GALNT16: variants seen among roughly 807,000 people sequenced by gnomAD.
GALNT16 encodes polypeptide N-acetylgalactosaminyltransferase 16.
A neutral mutation model predicts 76.1 loss-of-function variants in GALNT16; 40 were observed. That is an observed-to-expected ratio of 0.53 (90% CI 0.41 to 0.68). The LOEUF is 0.68. GALNT16 is among the 30% of genes least tolerant of loss of function. The pLI is 0.00. For missense variants in GALNT16, 621 were observed against 731.9 expected (o/e 0.85, Z 1.75); for synonymous variants, 276 against 285.2 (o/e 0.97, Z 0.32).
chr14:69,341,787 G>T (rs999408695), intron 12 of GALNT16, 23 bp downstream of exon 12: 18 of 1,567,554 alleles, frequency 1.1e-5, no homozygotes, highest in Non-Finnish European at 1.6e-5. Flanking sequence ...CTCATCTTGT[G>T]CATCCCCCAG....
chr14:69,260,811 CG>C (rs1201212021), intron 1 of GALNT16, among the ~76,000 whole-genome samples: 1 of 151,634 alleles, frequency 6.6e-6, no homozygotes, highest in Non-Finnish European at 1.5e-5. Flanking sequence ...TCGTGTGCCC[CG>C]GAAGGCTGCC....
At chr14:69,376,968 A>C in the GALNT16 span, among the ~76,000 whole-genome samples, 1 of 152,066 alleles carries the variant, frequency 6.6e-6, no homozygotes, top group African/African-American at 2.4e-5. Flanking sequence ...GCACTTACCT[A>C]AGTCTTATCT....
intron 9 of GALNT16, among the ~76,000 whole-genome samples, chr14:69,335,527 C>CT (rs1011308664): frequency 5.3e-5 from 8 of 151,794 alleles, no homozygotes; most frequent in African/African-American, 1.9e-4. Flanking sequence ...TTTTCTTTTT[C>CT]TTTTTTTTCT....
chr14:69,329,906 A>G (rs2045331959), intron 6 of GALNT16, among the ~76,000 whole-genome samples: 1 of 152,054 alleles, frequency 6.6e-6, no homozygotes, highest in Non-Finnish European at 1.5e-5. Context: ...CCCATCTCCA[A>G]CCTTGGGGAT....
At position 69,328,468 on chromosome 14, in the gene GALNT16, T is replaced by C; in HGVS notation, c.587T>C (p.Val196Ala). 2 of 1,613,978 alleles carry C rather than the reference T, an allele frequency of 1.2e-6. No individual in the cohort carries two copies. The highest frequency in any genetic ancestry group is 1.7e-6 in the Non-Finnish European group (2 of 1,179,962). ...CTTGTAGGGCTGATCCGGTCCCGAG[T>C]GCGTGGGGCGGACGTGGCTGCAGCT... ...DRREGLIRSR[V>A]RGADVAAATV... The change falls in exon 6 of 15, where the codon GTG becomes GCG. Residue 196 changes from valine (V) to alanine (A), a missense_variant. By Grantham distance (64) the Val-to-Ala change is moderately conservative (BLOSUM62 0). Coordinates refer to ENST00000448469, the MANE Select transcript of GALNT16 (RefSeq NM_001168368.2).
At chr14:69,285,109 C>T (rs145810441) in intron 1 of GALNT16, among the ~76,000 whole-genome samples, 30 of 147,392 alleles carry the variant, frequency 2.0e-4, no homozygotes, top group Non-Finnish European at 3.1e-4. Context: ...AGCAAGATCT[C>T]GGCTCACTGC....
At position 69,322,925 on chromosome 14, in the gene GALNT16, G is replaced by GGGT. The variant is rs797021875; in HGVS notation, c.336-1766_336-1765insGTG. 4.0e-3 allele frequency among the ~76,000 whole-genome samples: 416 copies of GGGT among 103,756 alleles called. 14 individuals are homozygous for GGGT. The highest frequency in any genetic ancestry group is 0.038 in the East Asian group (47 of 1,242). The allele number at this position is 103,756 out of a possible 152,430, so 68.1% of individuals were successfully genotyped here. Reference sequence around the variant, plus strand: ...AAAAGAAAGCTGAGGTGGCTCACGGGGTGTGTGTGTGTGTGTGTGTGTGTG... The same window carrying GGGT: ...AAAAGAAAGCTGAGGTGGCTCACGGGGGTGTGTGTGTGTGTGTGTGTGTGTGTG... On this transcript the variant is annotated intron_variant, in intron 2 of 14. Transcript: ENST00000448469.
At chr14:69,263,077 A>C (rs958517380) in intron 1 of GALNT16, among the ~76,000 whole-genome samples, 1 of 151,982 alleles carries the variant, frequency 6.6e-6, no homozygotes, top group Non-Finnish European at 1.5e-5. Context: ...ATGGGGTTTC[A>C]TCATGTTGCC....
chr14:69,313,638 G>A (rs567885244), intron 1 of GALNT16, among the ~76,000 whole-genome samples: 1 of 152,386 alleles, frequency 6.6e-6, no homozygotes, highest in East Asian at 1.9e-4. Flanking sequence ...ACCCCTGGAG[G>A]AGTCATATTA....
At chr14:69,260,833 C>T (rs2044258399) in intron 1 of GALNT16, among the ~76,000 whole-genome samples, 1 of 151,878 alleles carries the variant, frequency 6.6e-6, no homozygotes, top group African/African-American at 2.4e-5. Flanking sequence ...GGGCCCAGCG[C>T]GCGGCGAGCG....
At chr14:69,384,823 T>C in the GALNT16 span, among the ~76,000 whole-genome samples, 84 of 152,356 alleles carry the variant, frequency 5.5e-4, no homozygotes, top group African/African-American at 1.9e-3. Context: ...TATCAATTAA[T>C]ATACACATTA....
At chr14:69,312,677 G>A (rs2045044832) in intron 1 of GALNT16, among the ~76,000 whole-genome samples, 1 of 152,186 alleles carries the variant, frequency 6.6e-6, no homozygotes, top group South Asian at 2.1e-4. Flanking sequence ...GTTCTTCCAT[G>A]TTCTTTTGAG....
At chr14:69,322,467 C>T (rs2045202611) in intron 2 of GALNT16, among the ~76,000 whole-genome samples, 1 of 152,214 alleles carries the variant, frequency 6.6e-6, no homozygotes, top group African/African-American at 2.4e-5. Context: ...TCTGAACCGC[C>T]TCAGGTGCTC....
At chr14:69,269,605 T>A (rs577924975) in intron 1 of GALNT16, among the ~76,000 whole-genome samples, 2 of 150,354 alleles carry the variant, frequency 1.3e-5, no homozygotes, top group East Asian at 3.9e-4. Flanking sequence ...TGTATGTATG[T>A]GTGTTATATG....
chr14:69,383,005 A>T, the GALNT16 span, among the ~76,000 whole-genome samples: 3 of 152,206 alleles, frequency 2.0e-5, no homozygotes, highest in Non-Finnish European at 4.4e-5. Context: ...GTGAAATCAG[A>T]AATGTCTTCA....
the GALNT16 span, among the ~76,000 whole-genome samples, chr14:69,383,410 A>G: frequency 6.6e-6 from 1 of 152,196 alleles, no homozygotes; most frequent in African/African-American, 2.4e-5. Flanking sequence ...CAAACCAAAA[A>G]CGGACCCAGT....
At chr14:69,361,772 C>T (rs766378947), downstream of GALNT16, among the ~76,000 whole-genome samples, 57 of 151,948 alleles carry the variant, frequency 3.8e-4, no homozygotes, top group Non-Finnish European at 6.2e-4. Flanking sequence ...TTTGGGAGGC[C>T]GAGGCAGGTG....
chr14:69,307,884 G>A lies in GALNT16; in HGVS notation c.178-12827G>A, dbSNP rs551116262. On this transcript the variant is annotated intron_variant, in intron 1 of 14. Transcript: ENST00000448469. ...CAGGTGAGGAAAGGCTTGGCTTCTC[G>A]GCCCCCACCCCCAGTCCCACCCTGT... Among the ~76,000 whole-genome samples, 517 of 152,212 alleles carry A rather than the reference G, an allele frequency of 3.4e-3. 3 individuals are homozygous for A. Among genetic ancestry groups the A allele is most frequent in the African/African-American group, 0.012 (497 of 41,526 alleles).
At chr14:69,301,905 G>A (rs1035723653) in intron 1 of GALNT16, among the ~76,000 whole-genome samples, 23 of 152,122 alleles carry the variant, frequency 1.5e-4, no homozygotes, top group Admixed American at 1.0e-3. Context: ...CAGGAGAATC[G>A]CTTGAACCCA....
Sources: gnomAD v4.1 joint callset for allele counts (sites outside exome capture counted in the v4.1 genomes callset) on GRCh38, gnomAD v4.1.1 for gene constraint, MANE v1.5 for transcripts, NCBI Gene and HGNC (gene_info 2026-07-23, HGNC 2026-07-21) for gene names.